Variants in POU2F1 observed in about 807,000 individuals in gnomAD.
The protein encoded by POU2F1 is POU domain, class 2, transcription factor 1.
Under a neutral mutation model 84.9 loss-of-function variants are expected in POU2F1, and 16 were observed. The observed-to-expected ratio is 0.19, with a 90% CI of 0.13 to 0.29. The LOEUF (loss-of-function observed/expected upper bound fraction) is 0.29, where lower values mean the gene tolerates loss of function less well. Ranked by LOEUF, POU2F1 falls within the 10% of genes least tolerant of loss-of-function variation. The probability of loss-of-function intolerance (pLI) is 1.00; values close to 1 mark genes in which losing one functional copy is unlikely to be tolerated. For synonymous variants in POU2F1, 368 were observed against 368.3 expected, an observed-to-expected ratio of 1.00 and a Z score of 0.01; for missense variants, 738 against 942.6, an observed-to-expected ratio of 0.78 and a Z score of 2.84.
chr1:167,334,000 C>CTT (rs11371298), intron 2 of POU2F1, among the ~76,000 whole-genome samples: 6 of 151,128 alleles, frequency 4.0e-5, no homozygotes, highest in Admixed American at 2.0e-4. Context: ...AAGAAACATA[C>CTT]TTTTTTTTTC....
chr1:167,396,363 G>A lies in POU2F1; in HGVS notation c.1065G>A (p.Leu355=). ...CTACCATCTCTCGATTTGAAGCCTT[G>A]AACCTCAGCTTTAAGAACATGTGCA... ...SQTTISRFEA[L]NLSFKNMCKL... is the part of the protein sequence containing the mutation. Residue 355 remains leucine, a synonymous_variant, in exon 10 of 16, where the codon TTG becomes TTA. Transcript: ENST00000367866. 6.2e-7 allele frequency: 1 copy of A among 1,614,072 alleles called. No homozygotes were observed. The highest frequency in any genetic ancestry group is 8.5e-7 in the Non-Finnish European group (1 of 1,179,962).
intron 1 of POU2F1, among the ~76,000 whole-genome samples, chr1:167,243,098 C>G (rs972726259): frequency 6.6e-6 from 1 of 152,164 alleles, no homozygotes; most frequent in East Asian, 1.9e-4. Flanking sequence ...ATGCTCATCT[C>G]TTTCTACTCA....
intron 1 of POU2F1, among the ~76,000 whole-genome samples, chr1:167,253,566 C>A (rs921988075): frequency 6.6e-6 from 1 of 152,002 alleles, no homozygotes; most frequent in Non-Finnish European, 1.5e-5. Context: ...GCTGGGACCA[C>A]AGGTGCCTGC....
At chr1:167,372,987 C>G (rs1450309946) in intron 5 of POU2F1, among the ~76,000 whole-genome samples, 2 of 151,800 alleles carry the variant, frequency 1.3e-5, no homozygotes, top group Non-Finnish European at 2.9e-5. Flanking sequence ...CAGTGGACAA[C>G]TGTTTTAAGA....
chr1:167,226,434 A>G (rs1226460011), intron 1 of POU2F1, among the ~76,000 whole-genome samples: 1 of 152,220 alleles, frequency 6.6e-6, no homozygotes, highest in Admixed American at 6.5e-5. Flanking sequence ...TTGACATTTC[A>G]TAAGTAAAGA....
rs1253283850 is a variant in POU2F1 at position 167,415,791 on chromosome 1, C to A, written c.2282C>A (p.Thr761Asn). ...SASGAASTTT[T>N]ASKAQ ...AGCGGGGCTGCGTCCACCACCACCACCGCCTCCAAGGCACAGTGAGCTGGG... is the reference window on the plus strand; with the variant it reads ...AGCGGGGCTGCGTCCACCACCACCAACGCCTCCAAGGCACAGTGAGCTGGG... Residue 761 changes from threonine (T) to asparagine (N), a missense_variant, in exon 16 of 16, where the codon ACC becomes AAC. Thr to Asn is a moderately conservative substitution (Grantham distance 65, BLOSUM62 0). Around this residue, in one of 4 missense-constraint regions of POU2F1, gnomAD observed 319 missense variants for 386.0 expected, o/e 0.83. Transcript: ENST00000367866. 4 of 1,613,870 alleles carry A rather than the reference C, an allele frequency of 2.5e-6. No individual in the cohort carries two copies. In the African/African-American group the frequency reaches 5.3e-5, roughly 22 times the overall value.
At chr1:167,276,755 A>G (rs569505300) in intron 1 of POU2F1, among the ~76,000 whole-genome samples, 2 of 152,332 alleles carry the variant, frequency 1.3e-5, no homozygotes, top group South Asian at 4.1e-4. Flanking sequence ...ATAAAAAATG[A>G]AGTATTTTCA....
At chr1:167,316,211 A>C (rs1316633732) in intron 1 of POU2F1, among the ~76,000 whole-genome samples, 3 of 152,256 alleles carry the variant, frequency 2.0e-5, no homozygotes, top group Admixed American at 6.5e-5. Flanking sequence ...AGCATACTTT[A>C]TATCAAGAGC....
chr1:167,287,231 T>C (rs266820), intron 1 of POU2F1, among the ~76,000 whole-genome samples: 16,278 of 152,188 alleles, frequency 0.11, 2,157 homozygotes, highest in African/African-American at 0.32. Context: ...AAACCATAAC[T>C]CTTTTAAAAT....
chr1:167,405,461 T>C (rs868188485), intron 13 of POU2F1, among the ~76,000 whole-genome samples: 6 of 151,090 alleles, frequency 4.0e-5, no homozygotes, highest in South Asian at 2.1e-4. Flanking sequence ...AAGGATCGCT[T>C]GGGTCCAGGA....
intron 1 of POU2F1, among the ~76,000 whole-genome samples, chr1:167,263,069 G>A (rs755160123): frequency 1.3e-5 from 2 of 152,166 alleles, no homozygotes; most frequent in African/African-American, 2.4e-5. Context: ...TAATGAATGA[G>A]AAAATGAAAG....
intron 1 of POU2F1, among the ~76,000 whole-genome samples, chr1:167,247,665 G>A (rs1484253284): frequency 6.6e-6 from 1 of 151,990 alleles, no homozygotes; most frequent in African/African-American, 2.4e-5. Context: ...ATTCCATACT[G>A]TTAACTTTGG....
At chr1:167,272,977 T>C (rs918866986) in intron 1 of POU2F1, among the ~76,000 whole-genome samples, 1 of 152,122 alleles carries the variant, frequency 6.6e-6, no homozygotes, top group Non-Finnish European at 1.5e-5. Flanking sequence ...AAAAACAAGT[T>C]AGTTACTTCC....
intron 1 of POU2F1, among the ~76,000 whole-genome samples, chr1:167,286,922 C>A (rs571910314): frequency 6.6e-6 from 1 of 152,288 alleles, no homozygotes; most frequent in Admixed American, 6.5e-5. Flanking sequence ...TTCCCCAGGG[C>A]AATCGAAGAG....
chr1:167,270,230 C>T (rs1272420138), intron 1 of POU2F1, among the ~76,000 whole-genome samples: 2 of 151,748 alleles, frequency 1.3e-5, no homozygotes, highest in African/African-American at 4.8e-5. Context: ...ATAGCACATT[C>T]AACATTTTTG....
chr1:167,291,784 A>G (rs1341568370), intron 1 of POU2F1, among the ~76,000 whole-genome samples: 1 of 152,184 alleles, frequency 6.6e-6, no homozygotes, highest in Non-Finnish European at 1.5e-5. Flanking sequence ...AATAATATCT[A>G]TTTACTAGCA....
chr1:167,403,877 T>C (rs187112534), intron 13 of POU2F1, among the ~76,000 whole-genome samples: 1 of 152,234 alleles, frequency 6.6e-6, no homozygotes, highest in Non-Finnish European at 1.5e-5. Context: ...AATACATGTA[T>C]AACTGAGAAG....
At chr1:167,358,716 CTTTT>C (rs1197814755) in intron 2 of POU2F1, among the ~76,000 whole-genome samples, 3,831 of 38,360 alleles carry the variant, frequency 0.1, 251 homozygotes, top group African/African-American at 0.19. Context: ...TTATCTGCAG[CTTTT>C]TTTTTTTTTT....
intron 2 of POU2F1, among the ~76,000 whole-genome samples, chr1:167,347,806 C>T (rs1658298531): frequency 6.6e-6 from 1 of 152,040 alleles, no homozygotes; most frequent in South Asian, 2.1e-4. Context: ...TTGTGTATGG[C>T]TTCTTTAACT....
Sources: allele counts gnomAD v4.1 joint callset (sites outside exome capture counted in the v4.1 genomes callset), GRCh38; gene constraint gnomAD v4.1.1; regional missense constraint gnomAD v4.1.1; transcripts MANE v1.5; gene names NCBI Gene and HGNC (gene_info 2026-07-23, HGNC 2026-07-21).